Variants in B3GAT2 observed in about 807,000 individuals in gnomAD.
The protein encoded by B3GAT2 is galactosylgalactosylxylosylprotein 3-beta-glucuronosyltransferase 2.
A neutral mutation model predicts 27.8 loss-of-function variants in B3GAT2; 26 were observed. That is an observed-to-expected ratio of 0.93 (90% confidence interval 0.68 to 1.30). B3GAT2 has a LOEUF of 1.30. Among genes scored for constraint, B3GAT2 ranks in the 50% most tolerant of loss-of-function variants. The pLI is 0.00. For missense variants in B3GAT2, 458 were observed against 459.0 expected (o/e 1.00, Z 0.02); for synonymous variants, 218 against 195.1 (o/e 1.12, Z -0.98).
At chr6:70,943,797 A>G (rs1382642224) in intron 1 of B3GAT2, among the ~76,000 whole-genome samples, 1 of 152,142 alleles carries the variant, frequency 6.6e-6, no homozygotes, top group Non-Finnish European at 1.5e-5. Context: ...TCAGGAGAAA[A>G]AAGGTAGGGG....
chr6:70,940,710 C>T (rs931724377), intron 1 of B3GAT2, among the ~76,000 whole-genome samples: 1 of 152,076 alleles, frequency 6.6e-6, no homozygotes, highest in African/African-American at 2.4e-5. Context: ...GGTGCATCAC[C>T]TGAGGTCAGG....
intron 1 of B3GAT2, among the ~76,000 whole-genome samples, chr6:70,899,942 A>AG (rs779293728): frequency 2.6e-5 from 4 of 152,244 alleles, no homozygotes; most frequent in Non-Finnish European, 4.4e-5. Context: ...ATGAAATAGC[A>AG]GTTACATAAC....
intron 1 of B3GAT2, among the ~76,000 whole-genome samples, chr6:70,940,527 A>G (rs1005499183): frequency 6.6e-6 from 1 of 152,144 alleles, no homozygotes; most frequent in African/African-American, 2.4e-5. Flanking sequence ...CTCCTTTGTA[A>G]CATACTATCT....
At chr6:70,907,469 C>A (rs116960089) in intron 1 of B3GAT2, among the ~76,000 whole-genome samples, 3 of 152,296 alleles carry the variant, frequency 2.0e-5, no homozygotes, top group Non-Finnish European at 4.4e-5. Context: ...GTCACTAAGT[C>A]ATCCATCCCT....
intron 2 of B3GAT2, among the ~76,000 whole-genome samples, chr6:70,883,828 T>G (rs1372563060): frequency 2.6e-5 from 4 of 152,056 alleles, no homozygotes; most frequent in Admixed American, 2.6e-4. Flanking sequence ...TTTCAGTTAT[T>G]ATGATTAAAA....
At chr6:70,909,973 A>G (rs1047108062) in intron 1 of B3GAT2, among the ~76,000 whole-genome samples, 1 of 152,032 alleles carries the variant, frequency 6.6e-6, no homozygotes, top group African/African-American at 2.4e-5. Flanking sequence ...TCCCGAGTTC[A>G]TGCCATTCTC....
intron 1 of B3GAT2, among the ~76,000 whole-genome samples, chr6:70,898,858 G>C (rs1280172260): frequency 3.9e-5 from 6 of 152,134 alleles, no homozygotes; most frequent in African/African-American, 1.4e-4. Context: ...AGCTACTTGG[G>C]AGGCTGAGGC....
At chr6:70,897,746 T>C (rs1772416466) in intron 1 of B3GAT2, among the ~76,000 whole-genome samples, 1 of 151,838 alleles carries the variant, frequency 6.6e-6, no homozygotes, top group Non-Finnish European at 1.5e-5. Context: ...TATTATAGTT[T>C]TAGGTAATAT....
chr6:70,948,981 T>C (rs1357861680), intron 1 of B3GAT2, among the ~76,000 whole-genome samples: 6 of 152,326 alleles, frequency 3.9e-5, no homozygotes, highest in Middle Eastern at 6.8e-3. Flanking sequence ...ATTTAATAAA[T>C]GGTGTTGGGA....
chr6:70,923,138 G>T (rs1430952923), intron 1 of B3GAT2, among the ~76,000 whole-genome samples: 1 of 152,292 alleles, frequency 6.6e-6, no homozygotes, highest in Non-Finnish European at 1.5e-5. Flanking sequence ...AGGCTGCTCA[G>T]AGGATGTGAT....
intron 1 of B3GAT2, among the ~76,000 whole-genome samples, chr6:70,917,638 C>T (rs1772795804): frequency 6.6e-6 from 1 of 152,092 alleles, no homozygotes; most frequent in African/African-American, 2.4e-5. Flanking sequence ...TTATTTATGC[C>T]TTCATTTCGT....
chr6:70,860,266 T>A lies in B3GAT2; in HGVS notation c.*1397A>T, dbSNP rs1344876442. The A allele has an allele frequency of 1.9e-6, 3 of 1,613,676 alleles. No homozygotes were observed. The highest frequency in any genetic ancestry group is 2.5e-6 in the Non-Finnish European group (3 of 1,179,860). ...CCCTACTGCAGGTTTTGGCCAGCCC[T>A]CCAGCACAACAGCAGGATGGTCTGG... On this transcript the variant is annotated 3_prime_UTR_variant, in exon 4 of 4. Transcript: ENST00000230053.
chr6:70,917,955 T>A (rs1230670300), intron 1 of B3GAT2, among the ~76,000 whole-genome samples: 2 of 152,204 alleles, frequency 1.3e-5, no homozygotes, highest in Non-Finnish European at 2.9e-5. Flanking sequence ...ATATCCTTGT[T>A]AACTTTCTGT....
intron 1 of B3GAT2, among the ~76,000 whole-genome samples, chr6:70,900,377 T>C (rs538012226): frequency 6.6e-6 from 1 of 151,230 alleles, no homozygotes; most frequent in African/African-American, 2.4e-5. Context: ...TACCATGCAC[T>C]CCAGTCTGGT....
intron 1 of B3GAT2, among the ~76,000 whole-genome samples, chr6:70,899,246 T>C (rs1289026969): frequency 6.6e-6 from 1 of 152,162 alleles, no homozygotes. Context: ...ATTCAGCATG[T>C]TTTGCATTAG....
intron 1 of B3GAT2, among the ~76,000 whole-genome samples, chr6:70,925,769 C>T (rs868749515): frequency 1.3e-5 from 2 of 152,208 alleles, no homozygotes; most frequent in Non-Finnish European, 2.9e-5. Flanking sequence ...CTTAAACGTC[C>T]CTGTCTGACA....
At chr6:70,889,063 A>T (rs1772239828) in intron 2 of B3GAT2, among the ~76,000 whole-genome samples, 1 of 152,166 alleles carries the variant, frequency 6.6e-6, no homozygotes, top group Non-Finnish European at 1.5e-5. Flanking sequence ...AATTCAGCCA[A>T]ATGTCACTTC....
chr6:70,903,982 C>T (rs563317975), intron 1 of B3GAT2, among the ~76,000 whole-genome samples: 14 of 152,156 alleles, frequency 9.2e-5, no homozygotes, highest in African/African-American at 3.4e-4. Flanking sequence ...GGAAATGGTC[C>T]AAATGTTCAT....
At position 70,943,824 on chromosome 6, in the gene B3GAT2, G is replaced by C. The variant is rs376407642; in HGVS notation, c.591+12015C>G. Among the ~76,000 whole-genome samples the C allele has an allele frequency of 1.6e-4, 25 of 152,156 alleles. No homozygotes were observed. The South Asian group carries it at 5.2e-3, about 32-fold the overall frequency. On this transcript the variant is annotated intron_variant, in intron 1 of 3. Transcript: ENST00000230053. ...AGGTAGGGGTAGGAATTGGGGAAAT[G>C]TTTGGTCAAAGGATACAAAATTTCA... is the stretch of plus-strand genomic sequence containing the variant.
Sources: allele counts gnomAD v4.1 joint callset (sites outside exome capture counted in the v4.1 genomes callset), GRCh38; gene constraint gnomAD v4.1.1; transcripts MANE v1.5; gene names NCBI Gene and HGNC (gene_info 2026-07-23, HGNC 2026-07-21).